The following CYFIP2 variants were observed in gnomAD, a reference collection of about 807,000 sequenced individuals.
CYFIP2 encodes cytoplasmic FMR1 interacting protein 2, also known as cytoplasmic FMR1-interacting protein 2.
A neutral mutation model predicts 158.7 loss-of-function variants in CYFIP2; 29 were observed. The ratio of observed to expected loss-of-function variants is 0.18; its 90% confidence interval spans 0.14 to 0.25. The LOEUF is 0.25. Among genes scored for constraint, CYFIP2 ranks in the 10% least tolerant of loss-of-function variants. The probability of loss-of-function intolerance (pLI) is 1.00; values close to 1 mark genes in which losing one functional copy is unlikely to be tolerated. For missense variants in CYFIP2, 852 were observed against 1,639.5 expected, an observed-to-expected ratio of 0.52 and a Z score of 8.29; for synonymous variants, 585 against 617.6, an observed-to-expected ratio of 0.95 and a Z score of 0.78.
At chr5:157,291,149 T>A (rs1379946100) in intron 3 of CYFIP2, among the ~76,000 whole-genome samples, 1 of 152,146 alleles carries the variant, frequency 6.6e-6, no homozygotes, top group Non-Finnish European at 1.5e-5. Context: ...CCCCACCCCA[T>A]CCCCAGGGAT....
chr5:157,330,948 C>G (rs866178372), intron 20 of CYFIP2, 98 bp downstream of exon 20: 7 of 900,494 alleles, frequency 7.8e-6, no homozygotes, highest in Middle Eastern at 2.5e-4. Context: ...GTATTGTCTG[C>G]CCGGCATGTT....
At chr5:157,296,903 C>T (rs1343984201) in intron 5 of CYFIP2, 129 bp downstream of exon 5, 7 of 703,614 alleles carry the variant, frequency 9.9e-6, no homozygotes, top group Non-Finnish European at 1.2e-5. Flanking sequence ...GTGCCCTACA[C>T]ATCCCTGGGT....
intron 9 of CYFIP2, among the ~76,000 whole-genome samples, chr5:157,309,430 C>T (rs573049243): frequency 6.6e-6 from 1 of 152,352 alleles, no homozygotes; most frequent in Admixed American, 6.5e-5. Context: ...GGAAAGGACC[C>T]TGCACTGGGC....
In CYFIP2 at chr5:157,311,032, G is replaced by T. The variant is rs1244774363; in HGVS notation, c.993-632G>T. 13 of 454,532 alleles carry T rather than the reference G, an allele frequency of 2.9e-5. No homozygotes were observed. Among genetic ancestry groups the T allele is most frequent in the Admixed American group, 2.8e-4 (12 of 42,406 alleles). The allele number at this position is 454,532 out of a possible 1,614,324, so 28.2% of individuals were successfully genotyped here. ...TTTCCTAATGACATCTTTTCACAAG[G>T]CGTGGAAAAAAGGCGGAGGGAAGGA... On this transcript the variant is annotated intron_variant, in intron 10 of 30. Transcript: ENST00000620254. This position sits in a 1 kb window ranked among gnomAD's most constrained non-coding sequence, Gnocchi z 4.7.
chr5:157,316,498 T>G (rs1487346801), intron 13 of CYFIP2, among the ~76,000 whole-genome samples: 6 of 152,226 alleles, frequency 3.9e-5, no homozygotes, highest in Non-Finnish European at 1.5e-5. Flanking sequence ...CAGGTCTGTC[T>G]GATTTATAAC....
At chr5:157,367,332 C>G (rs1241588251) in intron 26 of CYFIP2, among the ~76,000 whole-genome samples, 1 of 152,194 alleles carries the variant, frequency 6.6e-6, no homozygotes, top group African/African-American at 2.4e-5. Context: ...CCAATAATGT[C>G]TCTAGATATT....
intron 23 of CYFIP2, among the ~76,000 whole-genome samples, chr5:157,345,029 AGT>A (rs1459173691): frequency 6.6e-6 from 1 of 152,212 alleles, no homozygotes; most frequent in African/African-American, 2.4e-5. Flanking sequence ...ATTTCTTCCC[AGT>A]AAATAGGGAA....
chr5:157,330,271 TG>T (rs1369378944), intron 19 of CYFIP2, among the ~76,000 whole-genome samples: 7 of 151,674 alleles, frequency 4.6e-5, no homozygotes, highest in African/African-American at 1.5e-4. Context: ...TGTGTGTGTG[TG>T]TGTGTGTGTG....
At chr5:157,300,655 C>T in intron 5 of CYFIP2, 60 bp from the exon 6 acceptor site, 4 of 1,345,396 alleles carry the variant, frequency 3.0e-6, no homozygotes, top group Non-Finnish European at 3.9e-6. Flanking sequence ...CTAGAGGAGC[C>T]TGGACCCTGC....
chr5:157,288,610 A>G (rs1046773367), intron 3 of CYFIP2: 2 of 456,058 alleles, frequency 4.4e-6, no homozygotes, highest in African/African-American at 4.0e-5. Context: ...TTTTCTATAC[A>G]GATATTTTAG....
intron 26 of CYFIP2, among the ~76,000 whole-genome samples, chr5:157,371,033 C>T (rs982405001): frequency 3.9e-5 from 6 of 152,128 alleles, no homozygotes; most frequent in African/African-American, 1.2e-4. Context: ...GCAGAGACAG[C>T]GTCTCTCGGT....
In CYFIP2 at chr5:157,314,943, G is replaced by A. The variant is rs1424076875; in HGVS notation, c.1231-26G>A. Reference sequence around the variant, plus strand: ...TTTGTCCGTTCATCAGTTGATGGACGTTTGGTTTGTTCCCACTCTCCCCAG... The same window carrying A: ...TTTGTCCGTTCATCAGTTGATGGACATTTGGTTTGTTCCCACTCTCCCCAG... On this transcript the variant is annotated intron_variant, in intron 12 of 30. Coordinates refer to ENST00000620254, the MANE Select transcript of CYFIP2 (RefSeq NM_001037333.3). 5 of 1,540,312 alleles carry A rather than the reference G, an allele frequency of 3.2e-6. No individual in the cohort carries two copies. In the South Asian group the frequency reaches 3.6e-5, roughly 11 times the overall value.
chr5:157,302,039 T>C (rs1758791937), intron 6 of CYFIP2, among the ~76,000 whole-genome samples: 1 of 152,168 alleles, frequency 6.6e-6, no homozygotes, highest in African/African-American at 2.4e-5. Flanking sequence ...CTTTACAAAG[T>C]TTTTATGGGT....
rs750010223 is a variant in CYFIP2 at position 157,330,890 on chromosome 5, G to GGA, written c.2265+46_2265+47dup. 8 of 1,481,192 alleles carry GGA rather than the reference G, an allele frequency of 5.4e-6. No homozygotes were observed. The East Asian group carries it at 1.8e-4, about 33-fold the overall frequency. 91.8% of individuals were successfully genotyped at this position (1,481,192 alleles called of 1,614,324 possible). ...AGCCACCTTGGAGATGGAAGGGGCAGGAGAGAGCAGCTGCGAAGTTAGCAT... is the reference window on the plus strand; with the variant it reads ...AGCCACCTTGGAGATGGAAGGGGCAGGAGAGAGAGCAGCTGCGAAGTTAGCAT... On this transcript the variant is annotated intron_variant, in intron 20 of 30. Coordinates refer to ENST00000620254, the MANE Select transcript of CYFIP2 (RefSeq NM_001037333.3).
intron 5 of CYFIP2, among the ~76,000 whole-genome samples, chr5:157,299,089 G>A (rs1434878002): frequency 3.9e-5 from 6 of 152,144 alleles, no homozygotes; most frequent in African/African-American, 1.4e-4. Flanking sequence ...CCTAGGAGTG[G>A]AATTGTTGGG....
intron 26 of CYFIP2, among the ~76,000 whole-genome samples, chr5:157,374,542 A>G (rs1765284227): frequency 6.6e-6 from 1 of 152,112 alleles, no homozygotes; most frequent in Non-Finnish European, 1.5e-5. Context: ...AGCAGCAATG[A>G]TCTGAGACCC....
intron 23 of CYFIP2, chr5:157,342,291 A>G (rs552462393): frequency 2.0e-5 from 3 of 152,776 alleles, no homozygotes; most frequent in African/African-American, 7.2e-5. Flanking sequence ...AGTCAATTTA[A>G]AGGAAAGTAT....
chr5:157,365,656 A>T (rs2113398626), intron 26 of CYFIP2, among the ~76,000 whole-genome samples: 1 of 151,908 alleles, frequency 6.6e-6, no homozygotes, highest in East Asian at 1.9e-4. Context: ...AGTACCATAG[A>T]TGGTTCTTTC....
rs566678958 is a variant in CYFIP2, at chr5:157,352,959, G to C, written c.2674-6046G>C. On this transcript the variant is annotated intron_variant, in intron 23 of 30. Coordinates refer to ENST00000620254, the MANE Select transcript of CYFIP2 (RefSeq NM_001037333.3). ...TTGGAGTGGTGCAGCTGCAAGCCCG[G>C]GATTGCCGCCAGCCTCCAGTAGCTG... is the stretch of plus-strand genomic sequence containing the variant. Among the ~76,000 whole-genome samples, 194 of 152,292 alleles carry C rather than the reference G, an allele frequency of 1.3e-3. 1 individual carries two copies. Among genetic ancestry groups the C allele is most frequent in the African/African-American group, 4.1e-3 (170 of 41,552 alleles).
Sources: gnomAD v4.1 joint callset for allele counts (sites outside exome capture counted in the v4.1 genomes callset) on GRCh38, gnomAD v4.1.1 for gene constraint, Gnocchi (gnomAD v3.1) non-coding constraint, MANE v1.5 for transcripts, NCBI Gene and HGNC (gene_info 2026-07-23, HGNC 2026-07-21) for gene names.